GPR158: variants seen among roughly 807,000 people sequenced by gnomAD.
The protein encoded by GPR158 is metabotropic glycine receptor.
GPR158 carries 30 observed loss-of-function variants against 78.2 expected under a neutral mutation model. The observed-to-expected ratio is 0.38, with a 90% confidence interval of 0.29 to 0.52. The LOEUF is 0.52. Ranked by LOEUF, GPR158 falls within the 20% of genes least tolerant of loss-of-function variation. The probability of loss-of-function intolerance (pLI) is 0.83; values close to 1 mark genes in which losing one functional copy is unlikely to be tolerated. For missense variants in GPR158, 1,463 were observed against 1,523.5 expected, an observed-to-expected ratio of 0.96 and a Z score of 0.66; for synonymous variants, 581 against 591.1, an observed-to-expected ratio of 0.98 and a Z score of 0.25.
chr10:25,177,493 C>T (rs1412673252), intron 1 of GPR158, among the ~76,000 whole-genome samples: 1 of 152,160 alleles, frequency 6.6e-6, no homozygotes, highest in Non-Finnish European at 1.5e-5. Context: ...TTTTTAAATA[C>T]CCTGTCACAG....
chr10:25,367,817 A>G (rs891236606), intron 2 of GPR158, among the ~76,000 whole-genome samples: 1 of 151,418 alleles, frequency 6.6e-6, no homozygotes, highest in African/African-American at 2.4e-5. Flanking sequence ...CTTAAGATCT[A>G]CTTTGTTTGA....
At chr10:25,328,679 C>A (rs1855070312) in intron 2 of GPR158, among the ~76,000 whole-genome samples, 1 of 151,990 alleles carries the variant, frequency 6.6e-6, no homozygotes, top group Non-Finnish European at 1.5e-5. Flanking sequence ...GTAATCCCAG[C>A]ACTTTGGAAG....
intron 1 of GPR158, among the ~76,000 whole-genome samples, chr10:25,215,603 G>A (rs1373547692): frequency 6.6e-6 from 1 of 152,184 alleles, no homozygotes; most frequent in Non-Finnish European, 1.5e-5. Flanking sequence ...GGGAGGCTGA[G>A]GCAGGTGGAT....
At chr10:25,406,529 G>T (rs918552262) in intron 3 of GPR158, among the ~76,000 whole-genome samples, 4 of 152,156 alleles carry the variant, frequency 2.6e-5, no homozygotes, top group Non-Finnish European at 5.9e-5. Flanking sequence ...AAAAAGCTGG[G>T]AATAGCCAGC....
At chr10:25,225,200 T>C (rs1162113756) in intron 2 of GPR158, among the ~76,000 whole-genome samples, 1 of 150,986 alleles carries the variant, frequency 6.6e-6, no homozygotes, top group Non-Finnish European at 1.5e-5. Flanking sequence ...TTTTTTTTTG[T>C]ATAAAGCAAT....
intron 5 of GPR158, among the ~76,000 whole-genome samples, chr10:25,527,859 T>C (rs1418135528): frequency 2.0e-5 from 3 of 152,040 alleles, no homozygotes; most frequent in Non-Finnish European, 4.4e-5. Context: ...AAAGAAAATA[T>C]TGCTAGAGAT....
At chr10:25,282,724 G>A (rs903230928) in intron 2 of GPR158, among the ~76,000 whole-genome samples, 1 of 152,004 alleles carries the variant, frequency 6.6e-6, no homozygotes, top group African/African-American at 2.4e-5. Context: ...GACTAATAAT[G>A]TTGAGCATAT....
rs190361784 is a variant in GPR158 at position 25,590,129 on chromosome 10, C to T, written c.1892+984C>T. Among the ~76,000 whole-genome samples, 33 of 152,134 alleles carry T rather than the reference C, an allele frequency of 2.2e-4. No individual in the cohort carries two copies. The East Asian group carries it at 6.2e-3, about 29-fold the overall frequency. On this transcript the variant is annotated intron_variant, in intron 8 of 10. Coordinates refer to ENST00000376351, the MANE Select transcript of GPR158 (RefSeq NM_020752.3). ...TGGGGGAATTTTGTAGGATGCCTAT[C>T]CTCTCTGACTTTAGTCAGCAGTCAG... is the stretch of plus-strand genomic sequence containing the variant.
chr10:25,549,368 A>G (rs1836701410), intron 5 of GPR158, among the ~76,000 whole-genome samples: 1 of 152,294 alleles, frequency 6.6e-6, no homozygotes, highest in African/African-American at 2.4e-5. Flanking sequence ...ACTACTATGC[A>G]AAGAAATATG....
chr10:25,372,777 G>A (rs1460326704), intron 2 of GPR158, among the ~76,000 whole-genome samples: 1 of 151,078 alleles, frequency 6.6e-6, no homozygotes, highest in East Asian at 2.0e-4. Flanking sequence ...GTTAGTGGGT[G>A]CAGCAAACAA....
intron 4 of GPR158, among the ~76,000 whole-genome samples, chr10:25,458,508 T>C (rs1349560548): frequency 6.6e-6 from 1 of 152,232 alleles, no homozygotes; most frequent in Non-Finnish European, 1.5e-5. Context: ...CTGGCACTGA[T>C]CAGCCGAGTG....
chr10:25,401,559 C>T (rs1221346042), intron 3 of GPR158, among the ~76,000 whole-genome samples: 3 of 152,070 alleles, frequency 2.0e-5, no homozygotes, highest in Non-Finnish European at 4.4e-5. Context: ...TCTTCCTTTT[C>T]CTCCACTAGC....
chr10:25,186,960 ATTTTTTTT>A (rs1172184108), intron 1 of GPR158, among the ~76,000 whole-genome samples: 2 of 119,244 alleles, frequency 1.7e-5, no homozygotes, highest in African/African-American at 6.6e-5. Flanking sequence ...TCCCTAACTC[ATTTTTTTT>A]TTTTTTTTTT....
At chr10:25,452,211 AAT>A (rs34673593) in intron 4 of GPR158, among the ~76,000 whole-genome samples, 1 of 149,916 alleles carries the variant, frequency 6.7e-6, no homozygotes, top group Non-Finnish European at 1.5e-5. Context: ...AAACCTTTTA[AAT>A]ATATATATAT....
At chr10:25,408,547 C>CTA (rs1834545326) in intron 3 of GPR158, among the ~76,000 whole-genome samples, 1 of 152,160 alleles carries the variant, frequency 6.6e-6, no homozygotes, top group Non-Finnish European at 1.5e-5. Flanking sequence ...ACTGTAGTCA[C>CTA]CATCCTCAGA....
chr10:25,285,086 GTGTGTA>G (rs927016154), intron 2 of GPR158, among the ~76,000 whole-genome samples: 4 of 151,746 alleles, frequency 2.6e-5, no homozygotes, highest in African/African-American at 9.7e-5. Context: ...GTGTGTGTGT[GTGTGTA>G]TGCATGTGCA....
At chr10:25,544,710 A>G (rs559294576) in intron 5 of GPR158, among the ~76,000 whole-genome samples, 2 of 152,310 alleles carry the variant, frequency 1.3e-5, no homozygotes, top group African/African-American at 4.8e-5. Flanking sequence ...ATGTTTATAT[A>G]TAATATTTTT....
At chr10:25,291,088 T>C (rs929222165) in intron 2 of GPR158, among the ~76,000 whole-genome samples, 19 of 152,082 alleles carry the variant, frequency 1.2e-4, no homozygotes, top group Admixed American at 9.8e-4. Context: ...CATTTCTATA[T>C]TATAATTTTT....
intron 2 of GPR158, among the ~76,000 whole-genome samples, chr10:25,310,536 CATTT>C (rs1015790947): frequency 1.7e-4 from 26 of 151,992 alleles, no homozygotes; most frequent in Middle Eastern, 6.9e-3. Flanking sequence ...GATGTTTTTC[CATTT>C]ATTTATGCTT....
Sources: gnomAD v4.1 joint callset for allele counts (sites outside exome capture counted in the v4.1 genomes callset) on GRCh38, gnomAD v4.1.1 for gene constraint, MANE v1.5 for transcripts, NCBI Gene and HGNC (gene_info 2026-07-23, HGNC 2026-07-21) for gene names.